ADCY2: variants seen among roughly 807,000 people sequenced by gnomAD.
ADCY2 encodes the protein adenylate cyclase type 2.
ADCY2 carries 31 observed loss-of-function variants against 125.2 expected under a neutral mutation model. The ratio of observed to expected loss-of-function variants is 0.25; its 90% CI spans 0.19 to 0.33. The LOEUF (loss-of-function observed/expected upper bound fraction) is 0.33. ADCY2 is among the 10% of genes least tolerant of loss of function. The pLI is 1.00. For synonymous variants in ADCY2, 512 were observed against 548.4 expected (o/e 0.93, Z 0.93); for missense variants, 904 against 1,418.2 (o/e 0.64, Z 5.82).
At chr5:7,698,507 A>G (rs1265653370) in intron 7 of ADCY2, 133 bp downstream of exon 7, 3 of 927,152 alleles carry the variant, frequency 3.2e-6, no homozygotes, top group Non-Finnish European at 5.1e-6. Flanking sequence ...CATCATTTAC[A>G]TTAGGTATTT....
At chr5:7,470,447 A>C (rs1289890741) in intron 2 of ADCY2, among the ~76,000 whole-genome samples, 6 of 150,726 alleles carry the variant, frequency 4.0e-5, no homozygotes, top group Admixed American at 4.0e-4. Flanking sequence ...TTGTAGTGAA[A>C]GCACAAAGTA....
chr5:7,447,198 A>G lies in ADCY2; in HGVS notation c.408+32428A>G, dbSNP rs140699034. Among the ~76,000 whole-genome samples, 793 of 152,018 alleles carry G rather than the reference A, an allele frequency of 5.2e-3. 6 individuals are homozygous for G. Among genetic ancestry groups the G allele is most frequent in the Non-Finnish European group, 6.3e-3 (429 of 67,942 alleles). The stretch of plus-strand genomic sequence containing the variant: ...TTGTTCTGGGGATCCCTCCAGAACA[A>G]AATCCCCCAAGCTCTTCTGCAACTC... On this transcript the variant is annotated intron_variant, in intron 2 of 24. Coordinates refer to ENST00000338316, the MANE Select transcript of ADCY2 (RefSeq NM_020546.3).
intron 17 of ADCY2, among the ~76,000 whole-genome samples, chr5:7,769,621 T>C (rs1189374901): frequency 6.6e-6 from 1 of 152,160 alleles, no homozygotes; most frequent in African/African-American, 2.4e-5. Context: ...TGGGAAAACA[T>C]AGTCCTTTTA....
At chr5:7,589,516 A>AAAGAAAGAAAGAAAGAAAG (rs1313792543) in intron 3 of ADCY2, among the ~76,000 whole-genome samples, 2 of 103,244 alleles carry the variant, frequency 1.9e-5, no homozygotes, top group Non-Finnish European at 4.5e-5. Flanking sequence ...GAAAGAAAAG[A>AAAGAAAGAAAGAAAGAAAG]AAAGAAAGAG....
chr5:7,592,340 T>TA (rs894772094), intron 3 of ADCY2, among the ~76,000 whole-genome samples: 33 of 152,242 alleles, frequency 2.2e-4, no homozygotes, highest in African/African-American at 5.8e-4. Flanking sequence ...GATTCTATAG[T>TA]AAAAAAACTT....
At chr5:7,525,064 G>A (rs2126538219) in intron 3 of ADCY2, among the ~76,000 whole-genome samples, 1 of 152,202 alleles carries the variant, frequency 6.6e-6, no homozygotes, top group South Asian at 2.1e-4. Context: ...GTGCAGTGGT[G>A]TAATCTCGGC....
chr5:7,650,119 C>T (rs1739036259), intron 4 of ADCY2, among the ~76,000 whole-genome samples: 1 of 151,928 alleles, frequency 6.6e-6, no homozygotes, highest in Non-Finnish European at 1.5e-5. Context: ...CCACATTGAG[C>T]CTTTAAAATA....
At chr5:7,737,439 G>T (rs1320368410) in intron 14 of ADCY2, among the ~76,000 whole-genome samples, 2 of 152,154 alleles carry the variant, frequency 1.3e-5, no homozygotes, top group South Asian at 2.1e-4. Flanking sequence ...GAAAAGGCAG[G>T]AGTTGCAGGC....
intron 2 of ADCY2, among the ~76,000 whole-genome samples, chr5:7,476,625 G>A (rs1480329199): frequency 2.0e-5 from 3 of 152,250 alleles, no homozygotes; most frequent in South Asian, 4.1e-4. Flanking sequence ...GTGACCTGCC[G>A]ATGGAGACCC....
chr5:7,786,069 A>G (rs756992453), intron 19 of ADCY2, among the ~76,000 whole-genome samples: 5 of 152,230 alleles, frequency 3.3e-5, no homozygotes, highest in African/African-American at 4.8e-5. Flanking sequence ...AGCAAAAAGT[A>G]ATATTTACAT....
intron 3 of ADCY2, among the ~76,000 whole-genome samples, chr5:7,588,779 A>ATTCT (rs1736714068): frequency 6.6e-6 from 1 of 152,256 alleles, no homozygotes; most frequent in Non-Finnish European, 1.5e-5. Flanking sequence ...TGTAAAAATC[A>ATTCT]TTCTTAGCTC....
chr5:7,827,065 G>A lies in ADCY2; in HGVS notation c.*194G>A, dbSNP rs1280234025. 5 of 643,012 alleles carry A rather than the reference G, an allele frequency of 7.8e-6. No homozygotes were observed. Among genetic ancestry groups the A allele is most frequent in the Non-Finnish European group, 1.3e-5 (5 of 394,920 alleles). 39.8% of individuals were successfully genotyped at this position (643,012 alleles called of 1,614,324 possible). A position where few individuals can be genotyped will look rare whatever the true frequency, so the allele number is the denominator to read the frequency against. ...CCCAGATCGTTCTGCCACTTGCACT[G>A]TGCTTGCTCCTAAGCAAAAGGGAAA... On this transcript the variant is annotated 3_prime_UTR_variant, in exon 25 of 25. Transcript: ENST00000338316.
At chr5:7,672,957 G>A (rs1739982341) in intron 4 of ADCY2, among the ~76,000 whole-genome samples, 2 of 152,104 alleles carry the variant, frequency 1.3e-5, no homozygotes, top group South Asian at 4.2e-4. Flanking sequence ...CCACAGTGCT[G>A]TGACTCTGCC....
chr5:7,694,898 A>T (rs932411036), intron 5 of ADCY2, among the ~76,000 whole-genome samples: 4 of 152,146 alleles, frequency 2.6e-5, no homozygotes, highest in Admixed American at 6.5e-5. Context: ...CCAGCAACAC[A>T]TGTGTACCCC....
chr5:7,613,490 G>T lies in ADCY2; in HGVS notation c.571-12677G>T, dbSNP rs1481253089. Among the ~76,000 whole-genome samples the T allele has an allele frequency of 4.6e-5, 7 of 152,218 alleles. No homozygotes were observed. The East Asian group carries it at 1.4e-3, about 29-fold the overall frequency. Reference sequence around the variant, plus strand: ...CAGATGCCAGCCATGATTGGCGGTGGGGGGTGGGGTCCCCAGGTCACCTGC... The same window carrying T: ...CAGATGCCAGCCATGATTGGCGGTGTGGGGTGGGGTCCCCAGGTCACCTGC... On this transcript the variant is annotated intron_variant, in intron 3 of 24. Coordinates refer to ENST00000338316, the MANE Select transcript of ADCY2 (RefSeq NM_020546.3).
chr5:7,657,721 A>T (rs1455623677), intron 4 of ADCY2, among the ~76,000 whole-genome samples: 1 of 152,202 alleles, frequency 6.6e-6, no homozygotes, highest in African/African-American at 2.4e-5. Flanking sequence ...AGGACCAAAA[A>T]CATGTGCCTC....
intron 4 of ADCY2, among the ~76,000 whole-genome samples, chr5:7,686,777 A>G (rs1344331540): frequency 6.6e-6 from 1 of 152,204 alleles, no homozygotes; most frequent in African/African-American, 2.4e-5. Context: ...ACATTGTCAG[A>G]TTTTACAAAT....
intron 21 of ADCY2, among the ~76,000 whole-genome samples, chr5:7,803,233 G>A (rs887429301): frequency 2.0e-4 from 30 of 152,150 alleles, no homozygotes; most frequent in Non-Finnish European, 4.4e-5. Context: ...GGTCTCAGCT[G>A]CTCCTCAGTG....
chr5:7,610,569 T>C (rs1015060934), intron 3 of ADCY2, among the ~76,000 whole-genome samples: 1 of 151,958 alleles, frequency 6.6e-6, no homozygotes, highest in Admixed American at 6.6e-5. Context: ...AGTAGACAAG[T>C]CTTAGAGGCT....
Sources: allele counts gnomAD v4.1 joint callset (sites outside exome capture counted in the v4.1 genomes callset), GRCh38; gene constraint gnomAD v4.1.1; transcripts MANE v1.5; gene names NCBI Gene and HGNC (gene_info 2026-07-23, HGNC 2026-07-21).